The following NCKAP1 variants were observed in gnomAD, a reference collection of about 807,000 sequenced individuals.
NCKAP1 encodes nck-associated protein 1.
In NCKAP1, 21 loss-of-function variants were observed where a neutral mutation model predicts 151.2. The ratio of observed to expected loss-of-function variants is 0.14; its 90% CI spans 0.10 to 0.20. The LOEUF (loss-of-function observed/expected upper bound fraction) is 0.20. NCKAP1 is among the 10% of genes least tolerant of loss of function. The pLI is 1.00. For missense variants in NCKAP1, 933 were observed against 1,352.1 expected (o/e 0.69, Z 4.86); for synonymous variants, 484 against 451.8 (o/e 1.07, Z -0.90).
rs1411121401 is a variant in NCKAP1, at chr2:182,912,671, A to T, written c.*13031T>A. 1 of 152,230 alleles carries T rather than the reference A, an allele frequency of 6.6e-6. No individual in the cohort carries two copies. The highest frequency in any genetic ancestry group is 1.5e-5 in the Non-Finnish European group (1 of 68,042). The allele number at this position is 152,230 out of a possible 1,614,324, so 9.4% of individuals were successfully genotyped here. ...TTAGCCATAATAAAAATGGAATTTG[A>T]ATGTTAGAGTGCAACCTGACAAAAT... On this transcript the variant is annotated 3_prime_UTR_variant, in exon 31 of 31. Transcript: ENST00000361354.
intron 2 of NCKAP1, among the ~76,000 whole-genome samples, chr2:183,019,335 A>G (rs978007482): frequency 2.0e-5 from 3 of 152,194 alleles, no homozygotes; most frequent in Admixed American, 2.0e-4. Context: ...GGTGTAATGC[A>G]ATATAGGAAA....
At chr2:182,926,730 G>A in intron 30 of NCKAP1, 86 bp downstream of exon 30, 3 of 901,080 alleles carry the variant, frequency 3.3e-6, no homozygotes, top group Non-Finnish European at 5.1e-6. Context: ...ATCAAAAAAA[G>A]TATTCAATGA....
At chr2:183,005,123 T>C (rs1302686195) in intron 2 of NCKAP1, among the ~76,000 whole-genome samples, 1 of 152,160 alleles carries the variant, frequency 6.6e-6, no homozygotes, top group Non-Finnish European at 1.5e-5. Context: ...TCGACAACAT[T>C]AAACATTTAG....
In NCKAP1 at chr2:182,914,382, C is replaced by A. The variant is rs1696436922; in HGVS notation, c.*11320G>T. 1 of 152,156 alleles carries A rather than the reference C, an allele frequency of 6.6e-6. No individual in the cohort carries two copies. The highest frequency in any genetic ancestry group is 1.5e-5 in the Non-Finnish European group (1 of 68,030). The allele number at this position is 152,156 out of a possible 1,614,324, so 9.4% of individuals were successfully genotyped here. On this transcript the variant is annotated 3_prime_UTR_variant, in exon 31 of 31. Coordinates refer to ENST00000361354, the MANE Select transcript of NCKAP1 (RefSeq NM_013436.5). ...GACTCTGGACAGATACAATACATAC[C>A]TGCTGCCAGGATGAATAGATTAAAA... is the stretch of plus-strand genomic sequence containing the variant.
In NCKAP1 at chr2:182,947,743, G is replaced by A. The variant is rs531114898; in HGVS notation, c.2601+4662C>T. On this transcript the variant is annotated intron_variant, in intron 23 of 30. Transcript: ENST00000361354. ...TAGGTTATTCTAAGGAAATTTTATA[G>A]GACGCTAAAAAAATTAGAATCATCA... Among the ~76,000 whole-genome samples, 631 of 149,330 alleles carry A rather than the reference G, an allele frequency of 4.2e-3. 5 individuals are homozygous for A. Among genetic ancestry groups the A allele is most frequent in the African/African-American group, 0.015 (597 of 39,536 alleles).
rs1696614635 is a variant in NCKAP1, at chr2:182,925,109, C to T, written c.*593G>A. On this transcript the variant is annotated 3_prime_UTR_variant, in exon 31 of 31. Transcript: ENST00000361354. The stretch of plus-strand genomic sequence containing the variant: ...TCGCTAGGCTTTATACAAGCAACAA[C>T]ATATGCTGCTGCTCTTAGAATTTTG... 1 of 152,170 alleles carries T rather than the reference C, an allele frequency of 6.6e-6. No homozygotes were observed. Among genetic ancestry groups the T allele is most frequent in the African/African-American group, 2.4e-5 (1 of 41,460 alleles). The allele number at this position is 152,170 out of a possible 1,614,324, so 9.4% of individuals were successfully genotyped here. A position where few individuals can be genotyped will look rare whatever the true frequency, so the allele number is the denominator to read the frequency against.
intron 15 of NCKAP1, among the ~76,000 whole-genome samples, chr2:182,974,984 A>C (rs1011424218): frequency 1.3e-5 from 2 of 152,222 alleles, no homozygotes; most frequent in African/African-American, 2.4e-5. Flanking sequence ...TGAATAACTC[A>C]AATGTAAGGG....
At chr2:182,965,581 A>G (rs1697553498) in intron 16 of NCKAP1, among the ~76,000 whole-genome samples, 1 of 152,200 alleles carries the variant, frequency 6.6e-6, no homozygotes, top group South Asian at 2.1e-4. Flanking sequence ...TCTTAGAGTA[A>G]TAAGACAAAC....
intron 19 of NCKAP1, 117 bp downstream of exon 19, chr2:182,957,340 G>T: frequency 9.0e-7 from 1 of 1,105,710 alleles, no homozygotes; most frequent in Non-Finnish European, 1.2e-6. Context: ...TTTTTAAAAT[G>T]GCTGGAAAAT....
intron 8 of NCKAP1, among the ~76,000 whole-genome samples, chr2:182,991,200 C>T (rs1336531880): frequency 2.0e-5 from 3 of 152,046 alleles, no homozygotes; most frequent in East Asian, 1.9e-4. Flanking sequence ...TTTTAACATA[C>T]GTGTTATGAG....
intron 23 of NCKAP1, among the ~76,000 whole-genome samples, chr2:182,948,862 G>C (rs1697159305): frequency 6.6e-6 from 1 of 152,180 alleles, no homozygotes; most frequent in Non-Finnish European, 1.5e-5. Flanking sequence ...ATCCAGAATA[G>C]ATAAATGTAC....
At chr2:182,996,664 G>A (rs933194214) in intron 6 of NCKAP1, among the ~76,000 whole-genome samples, 9 of 152,106 alleles carry the variant, frequency 5.9e-5, no homozygotes, top group Non-Finnish European at 1.2e-4. Flanking sequence ...CACCGTGTTA[G>A]CCAGGATGGT....
At chr2:182,971,557 T>C (rs1236142860) in intron 15 of NCKAP1, among the ~76,000 whole-genome samples, 1 of 151,570 alleles carries the variant, frequency 6.6e-6, no homozygotes, top group African/African-American at 2.4e-5. Context: ...AAAATTCATA[T>C]GGAACAAACA....
At chr2:182,984,423 GGTGTGTGT>G (rs4018678) in intron 10 of NCKAP1, among the ~76,000 whole-genome samples, 2 of 144,340 alleles carry the variant, frequency 1.4e-5, no homozygotes, top group African/African-American at 2.5e-5. Flanking sequence ...TTTAGATTGG[GGTGTGTGT>G]GTGTGTGTGT....
At chr2:182,939,608 C>T (rs887425307) in intron 24 of NCKAP1, among the ~76,000 whole-genome samples, 1 of 152,022 alleles carries the variant, frequency 6.6e-6, no homozygotes, top group African/African-American at 2.4e-5. Context: ...TTCAGACCTA[C>T]TTTTAATTAA....
chr2:183,023,912 C>A lies in NCKAP1; in HGVS notation c.113G>T (p.Cys38Phe), dbSNP rs1453812438. The A allele has an allele frequency of 6.3e-7, 1 of 1,599,480 alleles. No individual in the cohort carries two copies. The highest frequency in any genetic ancestry group is 8.5e-7 in the Non-Finnish European group (1 of 1,171,332). ...GGATGGTTTTGCCTTGGGGTCTCCA[C>A]ATGCCTATAAAACAACAGTAATAAA... ...LTRLYNIKKA[C>F]GDPKAKPSYL... is the part of the protein sequence containing the mutation. Residue 38 changes from cysteine to phenylalanine, a missense_variant, in exon 2 of 31, where the codon TGT becomes TTT. Cys to Phe is a radical substitution (Grantham distance 205). Transcript: ENST00000361354.
chr2:183,038,100 G>A lies in NCKAP1; in HGVS notation c.-1C>T. ...TGGGCTGCAGCACTGAGCGCGACAT[G>A]GTGGTGCTGGTGCCGCCGCCGCCGC... On this transcript the variant is annotated 5_prime_UTR_variant, in exon 1 of 31. Transcript: ENST00000361354. 6.4e-7 allele frequency: 1 copy of A among 1,554,944 alleles called. No individual in the cohort carries two copies. The highest frequency in any genetic ancestry group is 2.5e-5 in the East Asian group (1 of 39,944).
At chr2:182,997,773 C>A (rs183009537) in intron 6 of NCKAP1, among the ~76,000 whole-genome samples, 1 of 152,250 alleles carries the variant, frequency 6.6e-6, no homozygotes, top group East Asian at 1.9e-4. Flanking sequence ...GACATACAAT[C>A]CTATTGAAAC....
chr2:182,957,434 G>C (rs892836035), intron 19 of NCKAP1, 23 bp downstream of exon 19: 47 of 1,597,538 alleles, frequency 2.9e-5, no homozygotes, highest in Non-Finnish European at 2.6e-6. Flanking sequence ...GAGCAAAAAG[G>C]TATAATATAA....
Sources: gnomAD v4.1 joint callset for allele counts (sites outside exome capture counted in the v4.1 genomes callset) on GRCh38, gnomAD v4.1.1 for gene constraint, MANE v1.5 for transcripts, NCBI Gene and HGNC (gene_info 2026-07-23, HGNC 2026-07-21) for gene names.